RERG: variants seen among roughly 807,000 people sequenced by gnomAD.
The protein encoded by RERG is RAS like estrogen regulated growth inhibitor, also known as ras-related and estrogen-regulated growth inhibitor.
In RERG, 25 loss-of-function variants were observed where a neutral mutation model predicts 23.2. The observed-to-expected ratio is 1.08, with a 90% CI of 0.79 to 1.50. The LOEUF (loss-of-function observed/expected upper bound fraction) is 1.50, where lower values mean the gene tolerates loss of function less well. Ranked by LOEUF, RERG falls within the 40% of genes most tolerant of loss-of-function variation. The probability of loss-of-function intolerance (pLI) is 0.00; values close to 1 mark genes in which losing one functional copy is unlikely to be tolerated. For missense variants in RERG, 253 were observed against 250.1 expected (o/e 1.01, Z -0.08); for synonymous variants, 81 against 89.1 (o/e 0.91, Z 0.51).
chr12:15,144,425 A>G (rs7313556), intron 2 of RERG, among the ~76,000 whole-genome samples: 92,522 of 151,928 alleles, frequency 0.61, 28,538 homozygotes, highest in Admixed American at 0.72. Context: ...CTGAACTCTG[A>G]GGCACTTTAA....
chr12:15,117,675 G>GCGCGCGCACACA (rs1555119493), intron 3 of RERG, among the ~76,000 whole-genome samples: 1 of 145,020 alleles, frequency 6.9e-6, no homozygotes, highest in African/African-American at 2.8e-5. Flanking sequence ...TCACACACGC[G>GCGCGCGCACACA]CACACACACA....
At chr12:15,167,820 C>A (rs1406288996) in intron 2 of RERG, among the ~76,000 whole-genome samples, 1 of 151,940 alleles carries the variant, frequency 6.6e-6, no homozygotes. Flanking sequence ...GTCATTTTTC[C>A]CATCTCTGGC....
At chr12:15,167,549 A>G (rs949241196) in intron 2 of RERG, among the ~76,000 whole-genome samples, 5 of 152,232 alleles carry the variant, frequency 3.3e-5, no homozygotes, top group Non-Finnish European at 5.9e-5. Flanking sequence ...TTGAGAAGCA[A>G]TGTTTGGGAG....
chr12:15,163,559 A>G (rs1232664373), intron 2 of RERG, among the ~76,000 whole-genome samples: 1 of 151,754 alleles, frequency 6.6e-6, no homozygotes, highest in African/African-American at 2.4e-5. Flanking sequence ...AGTGTATCAT[A>G]GGGTCTAGCC....
chr12:15,206,573 G>A lies in RERG; in HGVS notation c.61+10856C>T, dbSNP rs190413282. On this transcript the variant is annotated intron_variant, in intron 2 of 4. Coordinates refer to ENST00000256953, the MANE Select transcript of RERG (RefSeq NM_032918.3). ...AACTTGTTAGAAATACAAATTCTCT[G>A]GCTTCGGTGCAGACCTACTGAGTCA... is the stretch of plus-strand genomic sequence containing the variant. 1.0e-3 allele frequency among the ~76,000 whole-genome samples: 156 copies of A among 152,172 alleles called. 2 individuals are homozygous for A. Among genetic ancestry groups the A allele is most frequent in the Non-Finnish European group, 6.5e-4 (44 of 67,996 alleles).
At chr12:15,189,291 C>A (rs570364543) in intron 2 of RERG, among the ~76,000 whole-genome samples, 2 of 152,116 alleles carry the variant, frequency 1.3e-5, no homozygotes, top group Non-Finnish European at 2.9e-5. Flanking sequence ...CCCCAAGAAT[C>A]TCTCTGACCT....
intron 2 of RERG, among the ~76,000 whole-genome samples, chr12:15,131,379 A>G (rs1201801164): frequency 6.6e-6 from 1 of 152,190 alleles, no homozygotes; most frequent in African/African-American, 2.4e-5. Context: ...TTTTAATTTA[A>G]TAACTTATAT....
chr12:15,202,484 C>T (rs1211210635), intron 2 of RERG, among the ~76,000 whole-genome samples: 2 of 151,770 alleles, frequency 1.3e-5, no homozygotes, highest in Non-Finnish European at 3.0e-5. Context: ...AATCACCATT[C>T]TATTTTCTAA....
intron 2 of RERG, among the ~76,000 whole-genome samples, chr12:15,211,302 C>T (rs1453407640): frequency 6.6e-6 from 1 of 151,516 alleles, no homozygotes; most frequent in African/African-American, 2.4e-5. Context: ...CACACACACA[C>T]ACACACACAC....
intron 2 of RERG, among the ~76,000 whole-genome samples, chr12:15,216,394 T>C (rs750310147): frequency 7.9e-5 from 12 of 152,148 alleles, no homozygotes; most frequent in Non-Finnish European, 1.5e-4. Context: ...GACAAAGACT[T>C]AGAAGAGGGA....
intron 2 of RERG, among the ~76,000 whole-genome samples, chr12:15,173,371 C>G (rs1169071307): frequency 2.0e-5 from 3 of 151,936 alleles, no homozygotes; most frequent in Non-Finnish European, 4.4e-5. Context: ...ATTAATGTAG[C>G]TTTTATAATG....
intron 2 of RERG, among the ~76,000 whole-genome samples, chr12:15,166,897 T>C (rs944164031): frequency 5.3e-5 from 8 of 152,052 alleles, no homozygotes; most frequent in African/African-American, 1.9e-4. Flanking sequence ...CATGTGCACA[T>C]TGTGCAGGTT....
chr12:15,182,406 T>C (rs1382819627), intron 2 of RERG, among the ~76,000 whole-genome samples: 1 of 152,094 alleles, frequency 6.6e-6, no homozygotes, highest in East Asian at 1.9e-4. Flanking sequence ...AAAAGAACTC[T>C]CCATCCTCAC....
At chr12:15,132,437 G>A (rs767077563) in intron 2 of RERG, among the ~76,000 whole-genome samples, 16 of 152,128 alleles carry the variant, frequency 1.1e-4, no homozygotes, top group South Asian at 8.3e-4. Flanking sequence ...TGCTTACCCA[G>A]TAACTAAATG....
chr12:15,207,251 A>G (rs1471701804), intron 2 of RERG, among the ~76,000 whole-genome samples: 1 of 152,126 alleles, frequency 6.6e-6, no homozygotes, highest in Non-Finnish European at 1.5e-5. Context: ...TTTCCAGATG[A>G]TAGAAAGTGG....
At chr12:15,147,919 C>T (rs1478189915) in intron 2 of RERG, among the ~76,000 whole-genome samples, 1 of 152,132 alleles carries the variant, frequency 6.6e-6, no homozygotes, top group Admixed American at 6.5e-5. Flanking sequence ...ATCAGATTCT[C>T]CCAGAATAAC....
chr12:15,160,532 G>A (rs1864589010), intron 2 of RERG, among the ~76,000 whole-genome samples: 1 of 152,052 alleles, frequency 6.6e-6, no homozygotes, highest in South Asian at 2.1e-4. Flanking sequence ...TTCAATCTCA[G>A]TTTCTTCATG....
rs181605577 is a variant in RERG, at chr12:15,202,121, T to A, written c.61+15308A>T. Reference sequence around the variant, plus strand: ...TTTTTACAGTTTCATTGGAATATAATTAATAGGTGAAAAAACTGTATATAT... The same window carrying A: ...TTTTTACAGTTTCATTGGAATATAAATAATAGGTGAAAAAACTGTATATAT... On this transcript the variant is annotated intron_variant, in intron 2 of 4. Coordinates refer to ENST00000256953, the MANE Select transcript of RERG (RefSeq NM_032918.3). 5.3e-5 allele frequency among the ~76,000 whole-genome samples: 8 copies of A among 151,930 alleles called. No homozygotes were observed. The East Asian group carries it at 1.4e-3, about 26-fold the overall frequency.
chr12:15,155,173 G>GT (rs1412658694), intron 2 of RERG: 2 of 152,110 alleles, frequency 1.3e-5, no homozygotes, highest in Non-Finnish European at 2.9e-5. Flanking sequence ...ACACCACTGT[G>GT]TTTTTTCATC....
Sources: gnomAD v4.1 joint callset for allele counts (sites outside exome capture counted in the v4.1 genomes callset) on GRCh38, gnomAD v4.1.1 for gene constraint, MANE v1.5 for transcripts, NCBI Gene and HGNC (gene_info 2026-07-23, HGNC 2026-07-21) for gene names.